Variants in FAM193A observed in about 807,000 individuals in gnomAD.
The protein encoded by FAM193A is family with sequence similarity 193 member A, also known as protein FAM193A.
In FAM193A, 22 loss-of-function variants were observed where a neutral mutation model predicts 126.5. That is an observed-to-expected ratio of 0.17 (90% CI 0.12 to 0.25). FAM193A has a LOEUF of 0.25. Ranked by LOEUF, FAM193A falls within the 10% of genes least tolerant of loss-of-function variation. The pLI is 1.00. For synonymous variants in FAM193A, 761 were observed against 646.8 expected, an observed-to-expected ratio of 1.18 and a Z score of -2.68; for missense variants, 1,675 against 1,672.8, an observed-to-expected ratio of 1.00 and a Z score of -0.02.
At position 2,596,065 on chromosome 4, in the gene FAM193A, T is replaced by A. The variant is rs1478376167; in HGVS notation, c.256-19T>A. The stretch of plus-strand genomic sequence containing the variant: ...TGTAGATGAGGTTTTGAAAATAGAA[T>A]TTTTTTTTTCTATTCCAGACTCCTT... On this transcript the variant is annotated intron_variant, in intron 1 of 20. Coordinates refer to ENST00000637812, the MANE Select transcript of FAM193A (RefSeq NM_001366318.2). 1 of 645,630 alleles carries A rather than the reference T, an allele frequency of 1.5e-6. No individual in the cohort carries two copies. Among genetic ancestry groups the A allele is most frequent in the East Asian group, 2.8e-5 (1 of 35,714 alleles). The allele number at this position is 645,630 out of a possible 1,614,324, so 40.0% of individuals were successfully genotyped here. A position where few individuals can be genotyped will look rare whatever the true frequency, so the allele number is the denominator to read the frequency against.
chr4:2,581,697 G>A (rs564386042), intron 1 of FAM193A, among the ~76,000 whole-genome samples: 3 of 151,258 alleles, frequency 2.0e-5, no homozygotes, highest in South Asian at 2.1e-4. Context: ...GCTCCAGCCC[G>A]GGCTGGAGTG....
chr4:2,569,420 G>A (rs913688399), intron 1 of FAM193A, among the ~76,000 whole-genome samples: 2 of 152,140 alleles, frequency 1.3e-5, no homozygotes, highest in African/African-American at 2.4e-5. Flanking sequence ...GTAGTTTATC[G>A]AATCCTATTT....
At chr4:2,651,990 A>G (rs1307182288) in intron 7 of FAM193A, among the ~76,000 whole-genome samples, 1 of 152,190 alleles carries the variant, frequency 6.6e-6, no homozygotes, top group African/African-American at 2.4e-5. Flanking sequence ...TCCCCATGAT[A>G]GGGAATGTGG....
chr4:2,722,744 A>C (rs1416828403), intron 20 of FAM193A, among the ~76,000 whole-genome samples: 1 of 152,252 alleles, frequency 6.6e-6, no homozygotes, highest in Non-Finnish European at 1.5e-5. Flanking sequence ...TTGAATAAAC[A>C]AGCCACAGTT....
chr4:2,589,927 G>A (rs942508305), intron 1 of FAM193A, among the ~76,000 whole-genome samples: 1 of 151,826 alleles, frequency 6.6e-6, no homozygotes, highest in Non-Finnish European at 1.5e-5. Flanking sequence ...ACGAGGTCAG[G>A]AATTTGAGAT....
At chr4:2,716,216 C>T (rs113989719) in intron 20 of FAM193A, 112 bp downstream of exon 20, 2 of 751,174 alleles carry the variant, frequency 2.7e-6, no homozygotes, top group East Asian at 5.0e-5. Flanking sequence ...TTACATCAAG[C>T]AAGCCAGACA....
chr4:2,696,744 T>C, intron 18 of FAM193A, 151 bp downstream of exon 18: 2 of 620,028 alleles, frequency 3.2e-6, no homozygotes, highest in Non-Finnish European at 5.7e-6. Flanking sequence ...AGAGCCAGCC[T>C]GTCTCTGGTG....
chr4:2,538,484 C>T (rs186487899), intron 1 of FAM193A, among the ~76,000 whole-genome samples: 34 of 152,184 alleles, frequency 2.2e-4, no homozygotes, highest in African/African-American at 7.9e-4. Context: ...TGAGCCACCG[C>T]GCCCGGCCGT....
At chr4:2,590,091 C>T (rs1230450774) in intron 1 of FAM193A, among the ~76,000 whole-genome samples, 36 of 149,256 alleles carry the variant, frequency 2.4e-4, no homozygotes, top group African/African-American at 6.7e-4. Context: ...GCTGAGATCA[C>T]GCCACTGCAC....
At chr4:2,598,060 A>G (rs1204207887) in intron 2 of FAM193A, among the ~76,000 whole-genome samples, 1 of 152,088 alleles carries the variant, frequency 6.6e-6, no homozygotes, top group African/African-American at 2.4e-5. Context: ...ACGCGCCACC[A>G]TGCCCAGCTA....
chr4:2,688,348 T>A (rs907815385), intron 13 of FAM193A, among the ~76,000 whole-genome samples: 1 of 152,146 alleles, frequency 6.6e-6, no homozygotes, highest in African/African-American at 2.4e-5. Flanking sequence ...GGGTGTTGGT[T>A]CCTGGGAGGT....
At chr4:2,615,590 C>T (rs1369474423) in intron 2 of FAM193A, among the ~76,000 whole-genome samples, 1 of 152,194 alleles carries the variant, frequency 6.6e-6, no homozygotes, top group Non-Finnish European at 1.5e-5. Flanking sequence ...GCGATCTCGG[C>T]TCACTGCAAC....
In FAM193A at chr4:2,630,955, A is replaced by T. The variant is rs776997521; in HGVS notation, c.824A>T (p.Tyr275Phe). Residue 275 changes from tyrosine to phenylalanine, a missense_variant, in exon 5 of 21, where the codon TAC becomes TTC. Physicochemically the swap from Tyr to Phe is conservative, Grantham distance 22. Around this residue, in one of 4 missense-constraint regions of FAM193A, gnomAD observed 1,186 missense variants for 1,109.2 expected, o/e 1.07. Transcript: ENST00000637812. ...TGCAGGCTCTGCGAGAGGGACCCCTACCAGCTGTACCAGCGTCTGGAACAG... is the reference window on the plus strand; with the variant it reads ...TGCAGGCTCTGCGAGAGGGACCCCTTCCAGCTGTACCAGCGTCTGGAACAG... ...LVDRLCERDP[Y>F]QLYQRLEQQA... 6.2e-7 allele frequency: 1 copy of T among 1,606,024 alleles called. No homozygotes were observed. The highest frequency in any genetic ancestry group is 1.1e-5 in the South Asian group (1 of 90,804).
At chr4:2,658,330 C>A (rs1311788132) in intron 8 of FAM193A, among the ~76,000 whole-genome samples, 1 of 152,156 alleles carries the variant, frequency 6.6e-6, no homozygotes, top group Non-Finnish European at 1.5e-5. Flanking sequence ...AGGTGCCATG[C>A]CTTCAACATG....
At chr4:2,652,038 A>AGG (rs1449866414) in intron 7 of FAM193A, among the ~76,000 whole-genome samples, 1 of 152,166 alleles carries the variant, frequency 6.6e-6, no homozygotes, top group Non-Finnish European at 1.5e-5. Flanking sequence ...GGTGACCATG[A>AGG]GGTCTCATCT....
chr4:2,697,633 C>G (rs771276808), intron 18 of FAM193A, among the ~76,000 whole-genome samples: 1 of 152,308 alleles, frequency 6.6e-6, no homozygotes, highest in Admixed American at 6.5e-5. Flanking sequence ...AGGGTGGGCC[C>G]GATGTCCTGT....
At chr4:2,542,409 G>A (rs1460947038) in intron 1 of FAM193A, among the ~76,000 whole-genome samples, 3 of 152,172 alleles carry the variant, frequency 2.0e-5, no homozygotes, top group Non-Finnish European at 4.4e-5. Context: ...CTCCAAAAGT[G>A]CTGGAATTAC....
In FAM193A at chr4:2,607,155, C is replaced by T. The variant is rs527910515; in HGVS notation, c.501+10826C>T. Among the ~76,000 whole-genome samples the T allele has an allele frequency of 1.6e-4, 24 of 152,272 alleles. 1 individual carries two copies. The Middle Eastern group carries it at 0.014, about 86-fold the overall frequency. ...TCTGTGTATACTTCCCACTTCGTCA[C>T]GCAGAATATTCAGAAGACTTGTGCT... is the stretch of plus-strand genomic sequence containing the variant. On this transcript the variant is annotated intron_variant, in intron 2 of 20. Coordinates refer to ENST00000637812, the MANE Select transcript of FAM193A (RefSeq NM_001366318.2).
At chr4:2,615,579 T>C (rs1156488824) in intron 2 of FAM193A, among the ~76,000 whole-genome samples, 1 of 152,104 alleles carries the variant, frequency 6.6e-6, no homozygotes, top group Non-Finnish European at 1.5e-5. Context: ...AGTGCAGTGG[T>C]GCGATCTCGG....
Sources: gnomAD v4.1 joint callset for allele counts (sites outside exome capture counted in the v4.1 genomes callset) on GRCh38, gnomAD v4.1.1 for gene constraint, gnomAD v4.1.1 regional missense constraint, MANE v1.5 for transcripts, NCBI Gene and HGNC (gene_info 2026-07-23, HGNC 2026-07-21) for gene names.